MDM4: variants seen among roughly 807,000 people sequenced by gnomAD.
The protein encoded by MDM4 is protein Mdm4.
Under a neutral mutation model 60.2 loss-of-function variants are expected in MDM4, and 2 were observed. The observed-to-expected ratio is 0.03, with a 90% CI of 0.01 to 0.10. The LOEUF is 0.10. MDM4 is among the 10% of genes least tolerant of loss of function. MDM4 has a pLI of 1.00. For synonymous variants in MDM4, 202 were observed against 198.1 expected, an observed-to-expected ratio of 1.02 and a Z score of -0.17; for missense variants, 447 against 577.5, an observed-to-expected ratio of 0.77 and a Z score of 2.32.
rs1663531732 is a variant in MDM4, at chr1:204,556,256, G to A, written c.*6574G>A. ...GATTCCTCTTTCCAGTCAGTCCTGG[G>A]AAATGTTTCTGTTGCAGAGTTAGGC... On this transcript the variant is annotated 3_prime_UTR_variant, in exon 11 of 11. Transcript: ENST00000367182. 1 of 226,254 alleles carries A rather than the reference G, an allele frequency of 4.4e-6. No individual in the cohort carries two copies. The highest frequency in any genetic ancestry group is 2.2e-5 in the African/African-American group (1 of 44,934). 14.0% of individuals were successfully genotyped at this position (226,254 alleles called of 1,614,324 possible).
chr1:204,556,512 C>T lies in MDM4; in HGVS notation c.*6830C>T. The T allele has an allele frequency of 4.7e-6, 1 of 214,412 alleles. No homozygotes were observed. The highest frequency in any genetic ancestry group is 9.4e-6 in the Non-Finnish European group (1 of 106,150). The allele number at this position is 214,412 out of a possible 1,614,324, so 13.3% of individuals were successfully genotyped here. ...TGGAGCTCGAGACCAGCCTGGGCAA[C>T]ATGGTGAAACCCTGTCTCTACCAAA... is the stretch of plus-strand genomic sequence containing the variant. On this transcript the variant is annotated 3_prime_UTR_variant, in exon 11 of 11. Coordinates refer to ENST00000367182, the MANE Select transcript of MDM4 (RefSeq NM_002393.5).
At chr1:204,544,306 T>C (rs1662429520) in intron 8 of MDM4, among the ~76,000 whole-genome samples, 1 of 152,232 alleles carries the variant, frequency 6.6e-6, no homozygotes, top group African/African-American at 2.4e-5. Context: ...CCTGATTTAG[T>C]GTTAAAAGAG....
chr1:204,536,526 C>T (rs1220525210), intron 5 of MDM4, among the ~76,000 whole-genome samples: 1 of 152,162 alleles, frequency 6.6e-6, no homozygotes, highest in Non-Finnish European at 1.5e-5. Context: ...ATCTCTGAAC[C>T]TGGTAGTGGT....
At position 204,549,095 on chromosome 1, in the gene MDM4, CTT is replaced by C; in HGVS notation, c.904-17_904-16del. ...TATTAACCCCCTGAGTATTAATTGGCTTCACTTGTCTTTGTAGGATGAGTGGC... is the reference window on the plus strand; with the variant it reads ...TATTAACCCCCTGAGTATTAATTGGCCACTTGTCTTTGTAGGATGAGTGGC... On this transcript the variant is annotated splice_polypyrimidine_tract_variant and intron_variant, in intron 10 of 10. Transcript: ENST00000367182. The C allele has an allele frequency of 6.7e-7, 1 of 1,497,084 alleles. No individual in the cohort carries two copies. Among genetic ancestry groups the C allele is most frequent in the Middle Eastern group, 1.7e-4 (1 of 5,726 alleles). The allele number at this position is 1,497,084 out of a possible 1,614,324, so 92.7% of individuals were successfully genotyped here.
Position 204,537,806 on chromosome 1 carries a change from G to A in MDM4, c.411+309G>A, listed in dbSNP as rs998093324. ...ATTGCTTTATTAGATTTTAATAGGCGTGTTGCAGTTAAGTTCATGTCAGGC... is the reference window on the plus strand; with the variant it reads ...ATTGCTTTATTAGATTTTAATAGGCATGTTGCAGTTAAGTTCATGTCAGGC... On this transcript the variant is annotated intron_variant, in intron 6 of 10. Coordinates refer to ENST00000367182, the MANE Select transcript of MDM4 (RefSeq NM_002393.5). 32 of 623,264 alleles carry A rather than the reference G, an allele frequency of 5.1e-5. No homozygotes were observed. The East Asian group carries it at 5.4e-4, about 11-fold the overall frequency. The allele number at this position is 623,264 out of a possible 1,614,324, so 38.6% of individuals were successfully genotyped here.
intron 5 of MDM4, chr1:204,532,572 A>T (rs1249238500): frequency 1.7e-6 from 1 of 581,806 alleles, no homozygotes; most frequent in Non-Finnish European, 3.0e-6. Context: ...CAAATTTAAC[A>T]TGTAATTCCA....
Position 204,549,789 on chromosome 1 carries a change from G to C in MDM4, c.*107G>C. The C allele has an allele frequency of 1.3e-6, 1 of 743,818 alleles. No homozygotes were observed. The highest frequency in any genetic ancestry group is 2.1e-6 in the Non-Finnish European group (1 of 484,750). The allele number at this position is 743,818 out of a possible 1,614,324, so 46.1% of individuals were successfully genotyped here. A position where few individuals can be genotyped will look rare whatever the true frequency, so the allele number is the denominator to read the frequency against. ...CCAACCTGTCAGAGAATGTTCTTAG[G>C]CATCAAAATCCAAGGTAGCTGTAAG... On this transcript the variant is annotated 3_prime_UTR_variant, in exon 11 of 11. Transcript: ENST00000367182.
intron 10 of MDM4, among the ~76,000 whole-genome samples, chr1:204,547,480 G>A (rs1175024356): frequency 1.3e-5 from 2 of 152,100 alleles, no homozygotes; most frequent in East Asian, 3.8e-4. Flanking sequence ...TCTTGCCACA[G>A]GTAACACACT....
At chr1:204,539,961 C>T (rs1331749470) in intron 7 of MDM4, among the ~76,000 whole-genome samples, 1 of 152,086 alleles carries the variant, frequency 6.6e-6, no homozygotes, top group African/African-American at 2.4e-5. Flanking sequence ...TGTCTTCAGG[C>T]TATGTGTACA....
At chr1:204,519,472 A>G (rs1321281509) in intron 1 of MDM4, among the ~76,000 whole-genome samples, 4 of 152,104 alleles carry the variant, frequency 2.6e-5, no homozygotes, top group African/African-American at 7.2e-5. Context: ...GCTCCATTGC[A>G]CTCCAACCTG....
chr1:204,532,562 C>G (rs1660971603), intron 5 of MDM4: 3 of 575,144 alleles, frequency 5.2e-6, no homozygotes, highest in East Asian at 5.9e-5. Flanking sequence ...TTACACATAA[C>G]AAATTTAACA....
intron 8 of MDM4, among the ~76,000 whole-genome samples, chr1:204,543,585 G>A (rs183062223): frequency 4.6e-5 from 7 of 152,220 alleles, no homozygotes; most frequent in African/African-American, 1.7e-4. Flanking sequence ...TCATGATTTA[G>A]GACTCACCTC....
chr1:204,538,265 C>T lies in MDM4; in HGVS notation c.468C>T (p.Pro156=), dbSNP rs1165076712. The change falls in exon 7 of 11, where the codon CCC becomes CCT. Residue 156 remains proline (P), a synonymous_variant. Transcript: ENST00000367182. The stretch of plus-strand genomic sequence containing the variant: ...AAAGAACTACAGAAGACGATATCCC[C>T]ACACTGCCTACCTCAGAGCATAAAT... The part of the protein sequence containing the change: ...SRKRTTEDDI[P]TLPTSEHKCI... 1.9e-6 allele frequency: 3 copies of T among 1,610,328 alleles called. No homozygotes were observed. Among genetic ancestry groups the T allele is most frequent in the Non-Finnish European group, 2.5e-6 (3 of 1,176,574 alleles).
At chr1:204,545,753 C>T (rs1662591992) in intron 9 of MDM4, among the ~76,000 whole-genome samples, 1 of 152,128 alleles carries the variant, frequency 6.6e-6, no homozygotes. Flanking sequence ...TCTTAAACTT[C>T]TTAGCTCAAG....
In MDM4 at chr1:204,546,832, C is replaced by G. The variant is rs559351941; in HGVS notation, c.858C>G (p.Asp286Glu). 12 of 1,613,240 alleles carry G rather than the reference C, an allele frequency of 7.4e-6. No homozygotes were observed. In the South Asian group the frequency reaches 1.1e-4, roughly 15 times the overall value. ...IEVGKNDDLE[D>E]SKSLSDDTDV... ...TGGGAAAAAATGATGACCTGGAGGA[C>G]TCTAAGTCCTTAAGTGATGATACCG... Residue 286 changes from aspartate (D) to glutamate (E), a missense_variant, in exon 10 of 11, where the codon GAC (aspartate) becomes GAG (glutamate). Coordinates refer to ENST00000367182, the MANE Select transcript of MDM4 (RefSeq NM_002393.5).
intron 1 of MDM4, among the ~76,000 whole-genome samples, chr1:204,521,580 G>A (rs1243104320): frequency 6.6e-6 from 1 of 151,906 alleles, no homozygotes; most frequent in African/African-American, 2.4e-5. Context: ...CAGTAGAGTA[G>A]CCAGATTTCA....
At chr1:204,532,155 T>A in intron 4 of MDM4, 36 bp from the exon 5 acceptor site, 1 of 1,257,028 alleles carries the variant, frequency 8.0e-7, no homozygotes, top group Non-Finnish European at 1.2e-6. Context: ...TAGTGGCATT[T>A]GGGGTTGTTA....
chr1:204,536,585 A>G (rs984034478), intron 5 of MDM4, among the ~76,000 whole-genome samples: 1 of 152,202 alleles, frequency 6.6e-6, no homozygotes, highest in African/African-American at 2.4e-5. Flanking sequence ...TCTCATTCAC[A>G]TAGCCTCAAA....
Position 204,538,196 on chromosome 1 carries a change from T to C in MDM4, c.412-13T>C, listed in dbSNP as rs750134262. The C allele has an allele frequency of 1.3e-6, 2 of 1,505,310 alleles. No homozygotes were observed. The highest frequency in any genetic ancestry group is 4.5e-5 in the East Asian group (2 of 44,374). 93.2% of individuals were successfully genotyped at this position (1,505,310 alleles called of 1,614,324 possible). On this transcript the variant is annotated splice_polypyrimidine_tract_variant and intron_variant, in intron 6 of 10. Transcript: ENST00000367182. ...TTTCTACTGCACTGATGGACACCTT[T>C]CCCTTCTTTCAGCAAAGTGCAGAGG...
Sources: allele counts gnomAD v4.1 joint callset (sites outside exome capture counted in the v4.1 genomes callset), GRCh38; gene constraint gnomAD v4.1.1; transcripts MANE v1.5; gene names NCBI Gene and HGNC (gene_info 2026-07-23, HGNC 2026-07-21).